EPHA6: variants seen among roughly 807,000 people sequenced by gnomAD.
EPHA6 encodes the protein EPH receptor A6.
Under a neutral mutation model 112.0 loss-of-function variants are expected in EPHA6, and 50 were observed. The ratio of observed to expected loss-of-function variants is 0.45; its 90% CI spans 0.36 to 0.56. The LOEUF is 0.56. EPHA6 is among the 20% of genes least tolerant of loss of function. The pLI, the probability that EPHA6 is intolerant of heterozygous loss-of-function variation, is 0.00. For synonymous variants in EPHA6, 529 were observed against 490.7 expected (o/e 1.08, Z -1.03); for missense variants, 1,280 against 1,417.4 (o/e 0.90, Z 1.56).
intron 3 of EPHA6, among the ~76,000 whole-genome samples, chr3:97,050,701 A>G (rs918455236): frequency 2.0e-5 from 3 of 152,154 alleles, no homozygotes; most frequent in African/African-American, 7.2e-5. Context: ...ATTGAGCACA[A>G]AGATTGCTTG....
chr3:96,832,827 T>C (rs184840520), intron 1 of EPHA6, among the ~76,000 whole-genome samples: 46 of 152,176 alleles, frequency 3.0e-4, no homozygotes, highest in Non-Finnish European at 5.3e-4. Flanking sequence ...AGAAAATTAC[T>C]TTTCCATGGG....
intron 6 of EPHA6, among the ~76,000 whole-genome samples, chr3:97,413,056 T>C (rs2087844633): frequency 1.3e-5 from 2 of 151,752 alleles, no homozygotes; most frequent in African/African-American, 4.8e-5. Context: ...GGACATAAAT[T>C]CAAAATTCCT....
chr3:96,992,547 C>T (rs2043254372), intron 3 of EPHA6, among the ~76,000 whole-genome samples: 1 of 151,970 alleles, frequency 6.6e-6, no homozygotes, highest in Admixed American at 6.6e-5. Context: ...TCTGAGGTAA[C>T]GTTGTGTACT....
At chr3:97,279,068 A>G (rs914691599) in intron 5 of EPHA6, among the ~76,000 whole-genome samples, 14 of 152,152 alleles carry the variant, frequency 9.2e-5, no homozygotes, top group Admixed American at 5.2e-4. Flanking sequence ...CACTCACATA[A>G]TTTACTAGTG....
intron 14 of EPHA6, among the ~76,000 whole-genome samples, chr3:97,671,560 C>T (rs1158336864): frequency 1.3e-5 from 2 of 152,148 alleles, no homozygotes; most frequent in African/African-American, 4.8e-5. Context: ...ATGCAAATAG[C>T]ATAGTCCTTG....
intron 3 of EPHA6, among the ~76,000 whole-genome samples, chr3:97,065,511 G>T (rs1010460376): frequency 1.4e-5 from 2 of 146,358 alleles, no homozygotes; most frequent in Non-Finnish European, 3.1e-5. Context: ...TTTGTGCAAT[G>T]TTTACTCTAC....
intron 2 of EPHA6, among the ~76,000 whole-genome samples, chr3:96,910,394 C>T (rs2039156681): frequency 6.6e-6 from 1 of 152,024 alleles, no homozygotes; most frequent in Admixed American, 6.6e-5. Flanking sequence ...CCATTACTCC[C>T]AGTAGTAGCC....
At chr3:97,369,331 G>T (rs970190260) in intron 5 of EPHA6, among the ~76,000 whole-genome samples, 2 of 152,188 alleles carry the variant, frequency 1.3e-5, no homozygotes, top group Admixed American at 6.6e-5. Context: ...CCAGTTACAA[G>T]TTCAGTCAAG....
At chr3:96,865,694 C>CAAAAAAAAAAAAA (rs57565102) in intron 1 of EPHA6, among the ~76,000 whole-genome samples, 3 of 82,002 alleles carry the variant, frequency 3.7e-5, no homozygotes, top group African/African-American at 1.2e-4. Context: ...AAAAAACAAA[C>CAAAAAAAAAAAAA]AAAAAAAAAA....
At chr3:96,829,475 A>G (rs768558966) in intron 1 of EPHA6, among the ~76,000 whole-genome samples, 1 of 152,108 alleles carries the variant, frequency 6.6e-6, no homozygotes, top group Non-Finnish European at 1.5e-5. Context: ...TCCTTTTCCA[A>G]TAAGATTGTA....
chr3:97,717,826 T>C (rs1174338129), intron 14 of EPHA6, among the ~76,000 whole-genome samples: 1 of 152,218 alleles, frequency 6.6e-6, no homozygotes, highest in Non-Finnish European at 1.5e-5. Context: ...GATAACGTTG[T>C]CACTTATATG....
At chr3:96,983,997 A>T (rs1416234655) in intron 2 of EPHA6, among the ~76,000 whole-genome samples, 4 of 152,110 alleles carry the variant, frequency 2.6e-5, no homozygotes, top group Non-Finnish European at 4.4e-5. Flanking sequence ...GATGGGTTCT[A>T]ACTTCCTTCT....
chr3:97,061,369 C>T (rs1576414888), intron 3 of EPHA6, among the ~76,000 whole-genome samples: 1 of 152,304 alleles, frequency 6.6e-6, no homozygotes, highest in East Asian at 1.9e-4. Flanking sequence ...GAAGGTGTTA[C>T]TGCCAGAGAA....
chr3:97,432,350 T>C (rs1160503538), intron 6 of EPHA6, among the ~76,000 whole-genome samples: 1 of 152,168 alleles, frequency 6.6e-6, no homozygotes, highest in Non-Finnish European at 1.5e-5. Flanking sequence ...CACAACAGCA[T>C]TGATAATCAT....
intron 3 of EPHA6, among the ~76,000 whole-genome samples, chr3:97,131,969 G>A (rs748189935): frequency 2.6e-5 from 4 of 152,002 alleles, no homozygotes; most frequent in Admixed American, 6.6e-5. Context: ...TAAGGATGAA[G>A]AAAACAGATT....
chr3:97,078,140 A>G (rs924230377), intron 3 of EPHA6, among the ~76,000 whole-genome samples: 2 of 152,164 alleles, frequency 1.3e-5, no homozygotes, highest in African/African-American at 2.4e-5. Context: ...TTCTCTGATG[A>G]ACAGTGATGA....
intron 5 of EPHA6, among the ~76,000 whole-genome samples, chr3:97,398,178 G>A (rs1180232949): frequency 6.6e-6 from 1 of 151,378 alleles, no homozygotes; most frequent in Non-Finnish European, 1.5e-5. Context: ...CTGACCTTGA[G>A]TGCTAAATCA....
At chr3:97,675,736 A>G (rs2031313179) in intron 14 of EPHA6, among the ~76,000 whole-genome samples, 1 of 152,202 alleles carries the variant, frequency 6.6e-6, no homozygotes, top group Non-Finnish European at 1.5e-5. Flanking sequence ...AACTTCAGAA[A>G]TAATTACATA....
At position 96,991,608 on chromosome 3, in the gene EPHA6, A is replaced by G. The variant is rs555064344; in HGVS notation, c.1114+3615A>G. Among the ~76,000 whole-genome samples, 12 of 152,286 alleles carry G rather than the reference A, an allele frequency of 7.9e-5. No individual in the cohort carries two copies. The Middle Eastern group carries it at 0.01, about 129-fold the overall frequency. ...TAGGGGACTGCCACCATGACAATAC[A>G]TTATTTTACAGTCTTCTCTCTGGAT... On this transcript the variant is annotated intron_variant, in intron 3 of 17. Transcript: ENST00000389672.
Sources: gnomAD v4.1 joint callset for allele counts (sites outside exome capture counted in the v4.1 genomes callset) on GRCh38, gnomAD v4.1.1 for gene constraint, MANE v1.5 for transcripts, NCBI Gene and HGNC (gene_info 2026-07-23, HGNC 2026-07-21) for gene names.